Variants in PTPRD observed in about 807,000 individuals in gnomAD.
The protein encoded by PTPRD is receptor-type tyrosine-protein phosphatase delta.
Under a neutral mutation model 214.5 loss-of-function variants are expected in PTPRD, and 34 were observed. The ratio of observed to expected loss-of-function variants is 0.16; its 90% CI spans 0.12 to 0.21. PTPRD has a LOEUF of 0.21. PTPRD is among the 10% of genes least tolerant of loss of function. The pLI, the probability that PTPRD is intolerant of heterozygous loss-of-function variation, is 1.00. For missense variants in PTPRD, 2,545 were observed against 2,398.7 expected (o/e 1.06, Z -1.27); for synonymous variants, 1,128 against 845.7 (o/e 1.33, Z -5.79).
chr9:8,457,876 G>C (rs1365777479), intron 33 of PTPRD, among the ~76,000 whole-genome samples: 2 of 152,016 alleles, frequency 1.3e-5, no homozygotes, highest in Admixed American at 1.3e-4. Flanking sequence ...AGAGGGAATG[G>C]ACTATTTATT....
chr9:9,128,101 G>A (rs10117009), intron 10 of PTPRD, among the ~76,000 whole-genome samples: 13 of 152,106 alleles, frequency 8.5e-5, no homozygotes, highest in Admixed American at 3.3e-4. Flanking sequence ...TATGCATTTA[G>A]TTGAGGCCAG....
At chr9:8,363,542 T>C (rs1200131926) in intron 39 of PTPRD, among the ~76,000 whole-genome samples, 1 of 151,594 alleles carries the variant, frequency 6.6e-6, no homozygotes, top group Non-Finnish European at 1.5e-5. Flanking sequence ...TCTTACCTAT[T>C]TTATAGATTG....
intron 3 of PTPRD, among the ~76,000 whole-genome samples, chr9:10,178,846 G>T (rs1030036762): frequency 6.6e-6 from 1 of 151,868 alleles, no homozygotes; most frequent in South Asian, 2.1e-4. Context: ...ATTTACAAAT[G>T]CACACTGGGG....
chr9:10,230,507 GTATC>G (rs2099605807), intron 3 of PTPRD, among the ~76,000 whole-genome samples: 1 of 147,572 alleles, frequency 6.8e-6, no homozygotes, highest in Admixed American at 6.7e-5. Flanking sequence ...TATTATCTAT[GTATC>G]TATCTATCAA....
At chr9:9,947,762 A>G (rs931786166) in intron 4 of PTPRD, among the ~76,000 whole-genome samples, 1 of 145,078 alleles carries the variant, frequency 6.9e-6, no homozygotes, top group African/African-American at 2.6e-5. Context: ...TCATCTTCCA[A>G]GAGACTTTTC....
At chr9:10,004,367 G>A (rs975201203) in intron 4 of PTPRD, among the ~76,000 whole-genome samples, 1 of 151,742 alleles carries the variant, frequency 6.6e-6, no homozygotes, top group African/African-American at 2.4e-5. Context: ...TATTTATTGA[G>A]GAATTAAGCA....
intron 2 of PTPRD, among the ~76,000 whole-genome samples, chr9:10,592,827 G>A (rs764818172): frequency 6.6e-6 from 1 of 152,006 alleles, no homozygotes; most frequent in Middle Eastern, 3.4e-3. Flanking sequence ...TGAAAAACGG[G>A]AACACTGACA....
chr9:9,863,677 C>T (rs1047526018), intron 5 of PTPRD, among the ~76,000 whole-genome samples: 12 of 152,170 alleles, frequency 7.9e-5, no homozygotes, highest in African/African-American at 4.8e-5. Context: ...GACCCTCTTA[C>T]GTCACTGAAA....
chr9:10,376,851 C>T (rs769862782), intron 2 of PTPRD, among the ~76,000 whole-genome samples: 2 of 151,852 alleles, frequency 1.3e-5, no homozygotes, highest in Non-Finnish European at 2.9e-5. Flanking sequence ...ATAGTCGCAT[C>T]ATGTAAAATA....
At chr9:9,426,333 A>T (rs1053166732) in intron 8 of PTPRD, among the ~76,000 whole-genome samples, 6 of 152,162 alleles carry the variant, frequency 3.9e-5, no homozygotes, top group African/African-American at 1.4e-4. Context: ...CTGAGATCGA[A>T]CTGCAAGGCG....
chr9:9,662,972 A>G (rs1564397013), intron 7 of PTPRD, among the ~76,000 whole-genome samples: 1 of 151,524 alleles, frequency 6.6e-6, no homozygotes, highest in African/African-American at 2.4e-5. Context: ...TGGGCTCACT[A>G]TTTTTCTTTA....
At chr9:10,099,556 T>C (rs1237174614) in intron 3 of PTPRD, among the ~76,000 whole-genome samples, 1 of 151,848 alleles carries the variant, frequency 6.6e-6, no homozygotes, top group East Asian at 1.9e-4. Flanking sequence ...TTATTTGAGG[T>C]TTCTGACCAT....
At chr9:8,744,706 T>C (rs2092586929) in intron 11 of PTPRD, among the ~76,000 whole-genome samples, 1 of 152,198 alleles carries the variant, frequency 6.6e-6, no homozygotes, top group South Asian at 2.1e-4. Context: ...TGTACACTGC[T>C]TGGGCGATGG....
At chr9:10,448,960 G>C (rs2130718871) in intron 2 of PTPRD, among the ~76,000 whole-genome samples, 1 of 151,938 alleles carries the variant, frequency 6.6e-6, no homozygotes, top group Non-Finnish European at 1.5e-5. Context: ...GAAAATAGCA[G>C]TTATTCATAT....
chr9:9,851,138 A>G (rs2060476565), intron 5 of PTPRD, among the ~76,000 whole-genome samples: 1 of 152,244 alleles, frequency 6.6e-6, no homozygotes, highest in South Asian at 2.1e-4. Flanking sequence ...AGTGCTTAGC[A>G]TACAATAAAC....
chr9:9,903,924 T>A (rs1266580266), intron 5 of PTPRD, among the ~76,000 whole-genome samples: 3 of 152,078 alleles, frequency 2.0e-5, no homozygotes, highest in Non-Finnish European at 4.4e-5. Flanking sequence ...ACTAATAGGG[T>A]CATTGACTCA....
intron 26 of PTPRD, 55 bp from the exon 27 acceptor site, chr9:8,493,034 G>C: frequency 6.9e-7 from 1 of 1,453,690 alleles, no homozygotes; most frequent in Non-Finnish European, 9.6e-7. Flanking sequence ...AATGCTCTGG[G>C]GGAAAAACAA....
intron 8 of PTPRD, among the ~76,000 whole-genome samples, chr9:9,565,725 C>G (rs753804510): frequency 6.6e-6 from 1 of 151,866 alleles, no homozygotes; most frequent in East Asian, 1.9e-4. Context: ...CATTATTATT[C>G]ATTTTTTGTG....
chr9:10,180,750 G>T (rs903511890), intron 3 of PTPRD, among the ~76,000 whole-genome samples: 1 of 151,586 alleles, frequency 6.6e-6, no homozygotes, highest in Non-Finnish European at 1.5e-5. Flanking sequence ...AAATGCAAAG[G>T]TGACTCAACC....
Sources: gnomAD v4.1 joint callset for allele counts (sites outside exome capture counted in the v4.1 genomes callset) on GRCh38, gnomAD v4.1.1 for gene constraint, MANE v1.5 for transcripts, NCBI Gene and HGNC (gene_info 2026-07-23, HGNC 2026-07-21) for gene names.